Variants in IQGAP2 observed in about 807,000 individuals in gnomAD.
The protein encoded by IQGAP2 is ras GTPase-activating-like protein IQGAP2.
A neutral mutation model predicts 201.3 loss-of-function variants in IQGAP2; 173 were observed. That is an observed-to-expected ratio of 0.86 (90% CI 0.76 to 0.98). IQGAP2 has a LOEUF of 0.98. Among genes scored for constraint, IQGAP2 ranks in the 50% least tolerant of loss-of-function variants. The pLI, the probability that IQGAP2 is intolerant of heterozygous loss-of-function variation, is 0.00. For synonymous variants in IQGAP2, 675 were observed against 673.9 expected, an observed-to-expected ratio of 1.00 and a Z score of -0.03; for missense variants, 1,687 against 1,864.8, an observed-to-expected ratio of 0.90 and a Z score of 1.76.
chr5:76,505,399 C>T (rs1448243246), intron 2 of IQGAP2, among the ~76,000 whole-genome samples: 2 of 152,182 alleles, frequency 1.3e-5, no homozygotes, highest in Non-Finnish European at 2.9e-5. Flanking sequence ...CTACCACTGG[C>T]TTCCTTGAGG....
intron 33 of IQGAP2, among the ~76,000 whole-genome samples, chr5:76,700,057 C>G (rs1747224424): frequency 6.6e-6 from 1 of 151,730 alleles, no homozygotes; most frequent in African/African-American, 2.4e-5. Flanking sequence ...AACATATACA[C>G]TATACACTAA....
intron 21 of IQGAP2, among the ~76,000 whole-genome samples, 187 bp downstream of exon 21, chr5:76,658,854 G>A (rs112770049): frequency 2.0e-5 from 3 of 152,178 alleles, no homozygotes; most frequent in Non-Finnish European, 4.4e-5. Flanking sequence ...TAGGCTATAT[G>A]GTAAAAAAGC....
chr5:76,629,982 T>C (rs561568030), intron 14 of IQGAP2, among the ~76,000 whole-genome samples: 3 of 152,186 alleles, frequency 2.0e-5, no homozygotes, highest in Non-Finnish European at 2.9e-5. Flanking sequence ...GCAAGCGCAT[T>C]GAAGTTAATC....
intron 35 of IQGAP2, among the ~76,000 whole-genome samples, chr5:76,703,621 G>A (rs184001065): frequency 5.0e-5 from 7 of 139,228 alleles, no homozygotes; most frequent in East Asian, 4.2e-4. Context: ...CCAAATACAC[G>A]TAAATGAAAA....
At chr5:76,546,315 A>T (rs1743092724) in intron 2 of IQGAP2, among the ~76,000 whole-genome samples, 2 of 152,106 alleles carry the variant, frequency 1.3e-5, no homozygotes, top group Admixed American at 6.5e-5. Flanking sequence ...GTGTGCCTGT[A>T]ATCTCAGCTA....
intron 8 of IQGAP2, among the ~76,000 whole-genome samples, chr5:76,591,553 T>A (rs1415950746): frequency 1.3e-5 from 2 of 152,196 alleles, no homozygotes; most frequent in Admixed American, 1.3e-4. Context: ...TTTTGGCATT[T>A]TCTCAACTGG....
At chr5:76,429,427 C>T (rs1192012580) in intron 1 of IQGAP2, among the ~76,000 whole-genome samples, 1 of 150,936 alleles carries the variant, frequency 6.6e-6, no homozygotes, top group African/African-American at 2.4e-5. Flanking sequence ...AAAAAATTAG[C>T]CAGGCGTGGT....
chr5:76,583,188 T>C (rs772260940), intron 5 of IQGAP2, among the ~76,000 whole-genome samples: 1 of 152,230 alleles, frequency 6.6e-6, no homozygotes, highest in Non-Finnish European at 1.5e-5. Flanking sequence ...TTTTGTTTTT[T>C]AGATTAAGAC....
chr5:76,457,552 AACAAATGAGTGAATTTTAAT>A (rs1421816382), intron 1 of IQGAP2, among the ~76,000 whole-genome samples: 1 of 152,224 alleles, frequency 6.6e-6, no homozygotes, highest in African/African-American at 2.4e-5. Context: ...ATGTTTGTTG[AACAAATGAGTGAATTTTAAT>A]ACAAAGTGTA....
rs1426255175 is a variant in IQGAP2 at position 76,595,270 on chromosome 5, T to TTC, written c.908-2168_908-2167dup. Among the ~76,000 whole-genome samples, 84 of 123,222 alleles carry TTC rather than the reference T, an allele frequency of 6.8e-4. 1 individual carries two copies. The highest frequency in any genetic ancestry group is 2.7e-3 in the African/African-American group (84 of 30,728). The allele number at this position is 123,222 out of a possible 152,430, so 80.8% of individuals were successfully genotyped here. ...TTTTTTTTTTTTTTTTTTTTTTTTT[T>TTC]TCCGGACAGGGTCTTATTCTATTGC... is the stretch of plus-strand genomic sequence containing the variant. On this transcript the variant is annotated intron_variant, in intron 9 of 35. Coordinates refer to ENST00000274364, the MANE Select transcript of IQGAP2 (RefSeq NM_006633.5).
intron 2 of IQGAP2, among the ~76,000 whole-genome samples, chr5:76,521,759 C>T (rs1229439118): frequency 2.0e-5 from 3 of 152,156 alleles, no homozygotes; most frequent in African/African-American, 4.8e-5. Flanking sequence ...TTCAGAACCA[C>T]CTGGAGGGCT....
At chr5:76,486,770 A>G (rs1396773753) in intron 2 of IQGAP2, among the ~76,000 whole-genome samples, 1 of 152,190 alleles carries the variant, frequency 6.6e-6, no homozygotes, top group Non-Finnish European at 1.5e-5. Flanking sequence ...AAACTTCTTC[A>G]GAGTTTTGTT....
In IQGAP2 at chr5:76,570,670, G is replaced by C. The variant is rs80247589; in HGVS notation, c.381+13G>C. 1.0e-3 allele frequency: 1,650 copies of C among 1,589,396 alleles called. 16 individuals are homozygous for C. The African/African-American group carries it at 0.017, about 17-fold the overall frequency. ...TGGTCTACCCAAGGTAAGCCTTCAC[G>C]CACTGGAATCTGAACTAGAAAGGCA... On this transcript the variant is annotated intron_variant, in intron 4 of 35. Transcript: ENST00000274364.
At chr5:76,488,761 C>T (rs1756331729) in intron 2 of IQGAP2, among the ~76,000 whole-genome samples, 1 of 152,152 alleles carries the variant, frequency 6.6e-6, no homozygotes, top group Admixed American at 6.5e-5. Flanking sequence ...GACTAATCCA[C>T]CAGCTTATAT....
At chr5:76,693,866 T>C (rs1746493391) in intron 31 of IQGAP2, 2 of 155,790 alleles carry the variant, frequency 1.3e-5, no homozygotes, top group African/African-American at 4.8e-5. Flanking sequence ...CAGAAGCAAA[T>C]GTTGAGTCCA....
chr5:76,413,232 G>A (rs142271468), intron 1 of IQGAP2, among the ~76,000 whole-genome samples: 1,572 of 128,212 alleles, frequency 0.012, 27 homozygotes, highest in African/African-American at 0.045. Context: ...GCAGTGGCGC[G>A]ATCTTGGCTC....
chr5:76,493,114 G>C (rs1174835487), intron 2 of IQGAP2, among the ~76,000 whole-genome samples: 1 of 152,104 alleles, frequency 6.6e-6, no homozygotes, highest in African/African-American at 2.4e-5. Flanking sequence ...GTCTCCTGCT[G>C]CTTCCCTTGT....
chr5:76,427,928 C>A (rs1040671480), intron 1 of IQGAP2, among the ~76,000 whole-genome samples: 1 of 152,178 alleles, frequency 6.6e-6, no homozygotes, highest in African/African-American at 2.4e-5. Context: ...TCCCTGAGCC[C>A]GTCTGCAGCC....
intron 13 of IQGAP2, among the ~76,000 whole-genome samples, chr5:76,626,443 G>A (rs1052323999): frequency 4.0e-5 from 6 of 151,408 alleles, no homozygotes; most frequent in African/African-American, 1.5e-4. Context: ...GCTAATTTTT[G>A]TATTTTTAGT....
Sources: allele counts gnomAD v4.1 joint callset (sites outside exome capture counted in the v4.1 genomes callset), GRCh38; gene constraint gnomAD v4.1.1; transcripts MANE v1.5; gene names NCBI Gene and HGNC (gene_info 2026-07-23, HGNC 2026-07-21).